SPAG9: variants seen among roughly 807,000 people sequenced by gnomAD.
SPAG9 encodes C-Jun-amino-terminal kinase-interacting protein 4.
In SPAG9, 35 loss-of-function variants were observed where a neutral mutation model predicts 166.5. The ratio of observed to expected loss-of-function variants is 0.21; its 90% confidence interval spans 0.16 to 0.28. The LOEUF (loss-of-function observed/expected upper bound fraction) is 0.28, where lower values mean the gene tolerates loss of function less well. Ranked by LOEUF, SPAG9 falls within the 10% of genes least tolerant of loss-of-function variation. The pLI is 1.00. For missense variants in SPAG9, 1,235 were observed against 1,603.3 expected (o/e 0.77, Z 3.92); for synonymous variants, 534 against 565.5 (o/e 0.94, Z 0.79).
At chr17:51,101,615 C>CT (rs958514632) in intron 1 of SPAG9, among the ~76,000 whole-genome samples, 123 of 147,476 alleles carry the variant, frequency 8.3e-4, no homozygotes, top group African/African-American at 2.1e-3. Flanking sequence ...CATAATAGTC[C>CT]TTTTTTTTTT....
intron 1 of SPAG9, among the ~76,000 whole-genome samples, chr17:51,102,703 C>T (rs905213673): frequency 1.3e-5 from 2 of 151,998 alleles, no homozygotes; most frequent in Admixed American, 6.6e-5. Flanking sequence ...GGGGTTTTAC[C>T]ATGTTGGCCA....
At chr17:51,082,166 C>A (rs189612241) in intron 1 of SPAG9, among the ~76,000 whole-genome samples, 14 of 152,108 alleles carry the variant, frequency 9.2e-5, no homozygotes, top group African/African-American at 3.1e-4. Flanking sequence ...CACTTAAGGT[C>A]AGGAGTTTGA....
In SPAG9 at chr17:51,077,005, G is replaced by GCTATCTAGCTATCTAGCTAT. The variant is rs201838131; in HGVS notation, c.424+2578_424+2579insATAGCTAGATAGCTAGATAG. 8.1e-4 allele frequency among the ~76,000 whole-genome samples: 75 copies of GCTATCTAGCTATCTAGCTAT among 92,600 alleles called. 1 individual carries two copies. Among genetic ancestry groups the GCTATCTAGCTATCTAGCTAT allele is most frequent in the Non-Finnish European group, 8.9e-4 (40 of 44,934 alleles). The allele number at this position is 92,600 out of a possible 152,430, so 60.7% of individuals were successfully genotyped here. A position where few individuals can be genotyped will look rare whatever the true frequency, so the allele number is the denominator to read the frequency against. On this transcript the variant is annotated intron_variant, in intron 2 of 29. Transcript: ENST00000262013. ...TCTTATCTAGCTATCTAGCTATCTA[G>GCTATCTAGCTATCTAGCTAT]CTAGCTAGCTAGCTATCTAGCTATC...
At chr17:51,000,656 CA>C (rs1404493654) in intron 13 of SPAG9, among the ~76,000 whole-genome samples, 8 of 151,556 alleles carry the variant, frequency 5.3e-5, no homozygotes, top group Non-Finnish European at 1.2e-4. Context: ...TGCTTGAACC[CA>C]GGGGGTGGAG....
intron 1 of SPAG9, among the ~76,000 whole-genome samples, chr17:51,089,663 T>TATATATAC (rs1403230293): frequency 2.6e-4 from 20 of 78,286 alleles, no homozygotes; most frequent in African/African-American, 4.9e-4. Context: ...TATATATATA[T>TATATATAC]ACACATACAC....
At chr17:50,992,960 G>C (rs1340302514) in intron 19 of SPAG9, among the ~76,000 whole-genome samples, 3 of 151,968 alleles carry the variant, frequency 2.0e-5, no homozygotes, top group Non-Finnish European at 4.4e-5. Flanking sequence ...GCCGGGTGTA[G>C]TGGCTCGTGC....
chr17:51,079,746 ACTTTAC>A, intron 1 of SPAG9, 42 bp from the exon 2 acceptor site: 1 of 1,354,828 alleles, frequency 7.4e-7, no homozygotes, highest in East Asian at 2.3e-5. Flanking sequence ...GAGAAATTAA[ACTTTAC>A]ATTTTCAACT....
rs563896612 is a variant in SPAG9, at chr17:50,998,022, ATTTTTTTTTTTT to A, written c.1838+410_1838+421del. On this transcript the variant is annotated intron_variant, in intron 15 of 29. Transcript: ENST00000262013. ...TAAAGACAGCCAAGTTACAGAAATG[ATTTTTTTTTTTT>A]TTTTTTTTTTTTTTTTTAAAGATGG... is the stretch of plus-strand genomic sequence containing the variant. Among the ~76,000 whole-genome samples the A allele has an allele frequency of 1.0e-3, 91 of 90,808 alleles. 3 individuals carry two copies. In the South Asian group the frequency reaches 0.025, roughly 25 times the overall value. 59.6% of individuals were successfully genotyped at this position (90,808 alleles called of 152,430 possible). A position where few individuals can be genotyped will look rare whatever the true frequency, so the allele number is the denominator to read the frequency against.
intron 29 of SPAG9, 101 bp downstream of exon 29, chr17:50,970,606 C>T: frequency 1.1e-6 from 1 of 942,722 alleles, no homozygotes. Flanking sequence ...TCAAAGAGAA[C>T]CTCTTATAAA....
chr17:51,018,754 G>A (rs548246824), intron 8 of SPAG9, among the ~76,000 whole-genome samples: 28 of 152,212 alleles, frequency 1.8e-4, no homozygotes, highest in Admixed American at 3.9e-4. Flanking sequence ...GCAGGCTGGA[G>A]TACCCGGCTG....
In SPAG9 at chr17:50,998,824, G is replaced by C. The variant is rs564434900; in HGVS notation, c.1665-207C>G. On this transcript the variant is annotated intron_variant, in intron 14 of 29. Transcript: ENST00000262013. ...AGACATTCAGTGAAGAGAAACTATT[G>C]CTTAGAATGGCGGGTGCCTGTTCTT... Among the ~76,000 whole-genome samples the C allele has an allele frequency of 7.9e-5, 12 of 152,316 alleles. No individual in the cohort carries two copies. In the South Asian group the frequency reaches 2.3e-3, roughly 29 times the overall value.
chr17:51,048,070 G>A (rs2047079423), intron 3 of SPAG9, among the ~76,000 whole-genome samples: 1 of 151,922 alleles, frequency 6.6e-6, no homozygotes, highest in Non-Finnish European at 1.5e-5. Flanking sequence ...TCATTACTTG[G>A]TATAATCATC....
chr17:51,078,624 T>C (rs902546001), intron 2 of SPAG9, among the ~76,000 whole-genome samples: 1 of 152,040 alleles, frequency 6.6e-6, no homozygotes, highest in Non-Finnish European at 1.5e-5. Context: ...TTTTTTTTTT[T>C]CTAATTTTGA....
At chr17:51,096,022 G>GATATAT (rs200258056) in intron 1 of SPAG9, among the ~76,000 whole-genome samples, 6 of 95,262 alleles carry the variant, frequency 6.3e-5, no homozygotes, top group African/African-American at 1.7e-4. Context: ...TATATATAGT[G>GATATAT]ATATATATAT....
chr17:50,975,260 CTTGTT>C, intron 27 of SPAG9: 2 of 265,596 alleles, frequency 7.5e-6, no homozygotes, highest in South Asian at 5.6e-5. Flanking sequence ...TTAGTTGTTT[CTTGTT>C]TTGTTTTTAA....
At chr17:51,100,314 T>G (rs2048773209) in intron 1 of SPAG9, among the ~76,000 whole-genome samples, 1 of 127,452 alleles carries the variant, frequency 7.8e-6, no homozygotes, top group Admixed American at 7.6e-5. Flanking sequence ...TTTAAAGAGT[T>G]AAAACTAGGG....
intron 8 of SPAG9, chr17:51,016,214 A>C (rs957517460): frequency 2.0e-5 from 3 of 152,220 alleles, no homozygotes; most frequent in Non-Finnish European, 4.4e-5. Context: ...TGCTCAAAAA[A>C]AAAAAATTTA....
rs529999244 is a variant in SPAG9, at chr17:50,996,430, T to C, written c.1968+135A>G. 19 of 953,450 alleles carry C rather than the reference T, an allele frequency of 2.0e-5. No individual in the cohort carries two copies. The South Asian group carries it at 2.5e-4, about 12-fold the overall frequency. 59.1% of individuals were successfully genotyped at this position (953,450 alleles called of 1,614,324 possible). ...ACAGCCTGAAAACCACCACCCTCCA[T>C]GCTTAAATGTGTGCCCAGTCCATGC... On this transcript the variant is annotated intron_variant, in intron 16 of 29. Coordinates refer to ENST00000262013, the MANE Select transcript of SPAG9 (RefSeq NM_001130528.3).
At chr17:51,028,953 GA>G (rs1424083457) in intron 6 of SPAG9, among the ~76,000 whole-genome samples, 1 of 152,124 alleles carries the variant, frequency 6.6e-6, no homozygotes, top group Non-Finnish European at 1.5e-5. Flanking sequence ...ACATCATTAA[GA>G]TATCTTTTTC....
Sources: allele counts gnomAD v4.1 joint callset (sites outside exome capture counted in the v4.1 genomes callset), GRCh38; gene constraint gnomAD v4.1.1; transcripts MANE v1.5; gene names NCBI Gene and HGNC (gene_info 2026-07-23, HGNC 2026-07-21).